The following WWC1 variants were observed in gnomAD, a reference collection of about 807,000 sequenced individuals.
WWC1 encodes protein KIBRA.
A neutral mutation model predicts 138.4 loss-of-function variants in WWC1; 55 were observed. That is an observed-to-expected ratio of 0.40 (90% CI 0.32 to 0.50). The LOEUF is 0.50. Among genes scored for constraint, WWC1 ranks in the 20% least tolerant of loss-of-function variants. The pLI is 0.72. For synonymous variants in WWC1, 524 were observed against 564.9 expected (o/e 0.93, Z 1.03); for missense variants, 1,226 against 1,420.4 (o/e 0.86, Z 2.20).
intron 16 of WWC1, among the ~76,000 whole-genome samples, chr5:168,442,050 T>C (rs985701398): frequency 1.3e-5 from 2 of 152,246 alleles, no homozygotes; most frequent in Non-Finnish European, 2.9e-5. Flanking sequence ...GTTTCCTCCT[T>C]CTGTCCTTTG....
chr5:168,300,306 AG>A (rs1246556810), intron 1 of WWC1, among the ~76,000 whole-genome samples: 2 of 151,706 alleles, frequency 1.3e-5, no homozygotes, highest in African/African-American at 2.4e-5. Context: ...TGGCGGGAGG[AG>A]GGGGCAGGCG....
At chr5:168,322,943 A>G (rs966771499) in intron 1 of WWC1, among the ~76,000 whole-genome samples, 3 of 152,220 alleles carry the variant, frequency 2.0e-5, no homozygotes, top group African/African-American at 7.2e-5. Context: ...CAAAGTTCAG[A>G]TGGTCAGCAA....
intron 2 of WWC1, among the ~76,000 whole-genome samples, chr5:168,372,053 TTGTGTGTG>T (rs10595228): frequency 0.1 from 14,184 of 141,258 alleles, 823 homozygotes; most frequent in Non-Finnish European, 0.13. Flanking sequence ...AAGAGTGTGT[TTGTGTGTG>T]TGTGTGTGTG....
rs1377665397 is a variant in WWC1, at chr5:168,292,210, G to C, written c.58G>C (p.Gly20Arg). The C allele has an allele frequency of 1.3e-6, 2 of 1,571,304 alleles. No individual in the cohort carries two copies. Among genetic ancestry groups the C allele is most frequent in the South Asian group, 2.4e-5 (2 of 85,074 alleles). Residue 20 changes from glycine to arginine, a missense_variant, in exon 1 of 23, where the codon GGC becomes CGC. Physicochemically the swap from Gly to Arg is moderately radical, Grantham distance 125. Around this residue, in one of 3 missense-constraint regions of WWC1, gnomAD observed 1,016 missense variants for 1,153.9 expected, o/e 0.88. Transcript: ENST00000265293. The surrounding 1 kb of genome is among the most constrained non-coding windows in gnomAD (Gnocchi z 4.4). ...EGWEEARDFD[G>R]KVYYIDHTNR... ...CTGGGAGGAGGCGCGCGACTTCGAC[G>C]GCAAGGTCTACTACATAGACCACAC...
rs1770129684 is a variant in WWC1 at position 168,301,960 on chromosome 5, A to G, written c.119+9689A>G. 2.0e-5 allele frequency among the ~76,000 whole-genome samples: 3 copies of G among 152,308 alleles called. No homozygotes were observed. The South Asian group carries it at 6.2e-4, about 32-fold the overall frequency. On this transcript the variant is annotated intron_variant, in intron 1 of 22. Transcript: ENST00000265293. Reference sequence around the variant, plus strand: ...CCACCTTGGCAGCACTCATTATATGAATCAGTAAACTCCCCTCCTCCCCCA... The same window carrying G: ...CCACCTTGGCAGCACTCATTATATGGATCAGTAAACTCCCCTCCTCCCCCA...
intron 16 of WWC1, among the ~76,000 whole-genome samples, chr5:168,442,457 A>AAT (rs1554113646): frequency 2.0e-5 from 3 of 149,296 alleles, no homozygotes; most frequent in Non-Finnish European, 4.4e-5. Context: ...AAAAAAAAAA[A>AAT]TTTAATTAAA....
At chr5:168,342,684 G>A (rs1449780362) in intron 1 of WWC1, among the ~76,000 whole-genome samples, 1 of 152,042 alleles carries the variant, frequency 6.6e-6, no homozygotes, top group Non-Finnish European at 1.5e-5. Context: ...ACTGTGTGGA[G>A]GAGGGGGTTC....
At chr5:168,316,955 G>T (rs1457007812) in intron 1 of WWC1, among the ~76,000 whole-genome samples, 1 of 152,044 alleles carries the variant, frequency 6.6e-6, no homozygotes, top group Non-Finnish European at 1.5e-5. Context: ...TTATCATTTG[G>T]TCAAGATTTC....
rs1014475549 is a variant in WWC1, at chr5:168,422,883, C to T, written c.1275-650C>T. ...GAGTTGGGGCAGGCGTGGTGGCTTA[C>T]GCCTGTAATCCTACCACTTTGGGAG... On this transcript the variant is annotated intron_variant, in intron 10 of 22. Coordinates refer to ENST00000265293, the MANE Select transcript of WWC1 (RefSeq NM_015238.3). Among the ~76,000 whole-genome samples, 6 of 151,974 alleles carry T rather than the reference C, an allele frequency of 3.9e-5. No individual in the cohort carries two copies. The East Asian group carries it at 7.7e-4, about 20-fold the overall frequency.
intron 9 of WWC1, among the ~76,000 whole-genome samples, chr5:168,419,181 A>C (rs1331900005): frequency 6.6e-6 from 1 of 152,148 alleles, no homozygotes; most frequent in Non-Finnish European, 1.5e-5. Context: ...CCTTTCTCCC[A>C]GGCCCCAGGC....
chr5:168,466,299 A>G (rs957730248), intron 21 of WWC1, among the ~76,000 whole-genome samples: 2 of 152,168 alleles, frequency 1.3e-5, no homozygotes, highest in African/African-American at 4.8e-5. Flanking sequence ...TGCAAGGGCC[A>G]ATATAGGACC....
chr5:168,318,028 C>T (rs1325683643), intron 1 of WWC1, among the ~76,000 whole-genome samples: 1 of 151,940 alleles, frequency 6.6e-6, no homozygotes, highest in Non-Finnish European at 1.5e-5. Context: ...GTTTATTGGC[C>T]CTTTGTTGCT....
At chr5:168,311,102 G>A (rs999968110) in intron 1 of WWC1, among the ~76,000 whole-genome samples, 4 of 152,090 alleles carry the variant, frequency 2.6e-5, no homozygotes, top group Non-Finnish European at 5.9e-5. Flanking sequence ...TCCCAAGCAT[G>A]CCCTACACTT....
rs200017481 is a variant in WWC1 at position 168,381,119 on chromosome 5, TGA to T, written c.230-4090_230-4089del. Among the ~76,000 whole-genome samples, 1,257 of 152,224 alleles carry T rather than the reference TGA, an allele frequency of 8.3e-3. 5 individuals are homozygous for T. Among genetic ancestry groups the T allele is most frequent in the Middle Eastern group, 0.027 (8 of 294 alleles). ...ACCAGTTTGAGAACCAGTTCTGGTG[TGA>T]GTTTGTGTGTTGTTTTTGTCTGTTC... On this transcript the variant is annotated intron_variant, in intron 2 of 22. Coordinates refer to ENST00000265293, the MANE Select transcript of WWC1 (RefSeq NM_015238.3).
intron 1 of WWC1, among the ~76,000 whole-genome samples, chr5:168,323,008 A>G (rs987584368): frequency 3.3e-5 from 5 of 152,246 alleles, no homozygotes; most frequent in African/African-American, 1.2e-4. Flanking sequence ...TTTATGAAGA[A>G]AGTCAGTCAA....
intron 21 of WWC1, among the ~76,000 whole-genome samples, chr5:168,466,411 T>C (rs1356252206): frequency 6.6e-6 from 1 of 152,198 alleles, no homozygotes; most frequent in Non-Finnish European, 1.5e-5. Flanking sequence ...CTTTTGCTAG[T>C]TCTCTGTGCA....
intron 6 of WWC1, among the ~76,000 whole-genome samples, chr5:168,407,173 A>G (rs1779862398): frequency 6.6e-6 from 1 of 152,180 alleles, no homozygotes; most frequent in Admixed American, 6.5e-5. Context: ...TAGCATCTCT[A>G]TAAGCATTTC....
intron 15 of WWC1, among the ~76,000 whole-genome samples, chr5:168,441,068 C>T (rs1754706214): frequency 6.6e-6 from 1 of 152,130 alleles, no homozygotes; most frequent in Non-Finnish European, 1.5e-5. Context: ...TGAGACCCTA[C>T]CTCCAAAATA....
At chr5:168,321,822 C>A (rs1327749747) in intron 1 of WWC1, among the ~76,000 whole-genome samples, 35 of 152,354 alleles carry the variant, frequency 2.3e-4, no homozygotes, top group Non-Finnish European at 1.5e-5. Flanking sequence ...CAGGCGTGAG[C>A]CACGGTGCCC....
Sources: gnomAD v4.1 joint callset for allele counts (sites outside exome capture counted in the v4.1 genomes callset) on GRCh38, gnomAD v4.1.1 for gene constraint, gnomAD v4.1.1 regional missense constraint, Gnocchi (gnomAD v3.1) non-coding constraint, MANE v1.5 for transcripts, NCBI Gene and HGNC (gene_info 2026-07-23, HGNC 2026-07-21) for gene names.